Variants in AGFG1 observed in about 807,000 individuals in gnomAD.
The protein encoded by AGFG1 is arf-GAP domain and FG repeat-containing protein 1.
In AGFG1, 10 loss-of-function variants were observed where a neutral mutation model predicts 60.6. The ratio of observed to expected loss-of-function variants is 0.16; its 90% CI spans 0.10 to 0.28. The LOEUF is 0.28. Ranked by LOEUF, AGFG1 falls within the 10% of genes least tolerant of loss-of-function variation. The pLI is 1.00. For missense variants in AGFG1, 537 were observed against 676.5 expected, an observed-to-expected ratio of 0.79 and a Z score of 2.29; for synonymous variants, 247 against 242.9, an observed-to-expected ratio of 1.02 and a Z score of -0.16.
intron 2 of AGFG1, among the ~76,000 whole-genome samples, chr2:227,499,307 G>A (rs1190780315): frequency 6.6e-6 from 1 of 151,896 alleles, no homozygotes; most frequent in Non-Finnish European, 1.5e-5. Flanking sequence ...CACATCGAGT[G>A]GTTAAAATGG....
In AGFG1 at chr2:227,497,730, G is replaced by GTTTTTTTTTTTTT. The variant is rs148621752; in HGVS notation, c.261+6094_261+6095insTTTTTTTTTTTTT. On this transcript the variant is annotated intron_variant, in intron 2 of 12. Coordinates refer to ENST00000310078, the MANE Select transcript of AGFG1 (RefSeq NM_004504.5). ...ATATAGCCAAATGAGTTTCTTTCTTGTTTTGTTTTTTTTTTTTTTTTTTTT... is the reference window on the plus strand; with the variant it reads ...ATATAGCCAAATGAGTTTCTTTCTTGTTTTTTTTTTTTTTTTTGTTTTTTTTTTTTTTTTTTTT... Among the ~76,000 whole-genome samples, 26 of 38,926 alleles carry GTTTTTTTTTTTTT rather than the reference G, an allele frequency of 6.7e-4. 5 individuals carry two copies. The highest frequency in any genetic ancestry group is 1.7e-3 in the African/African-American group (23 of 13,232). The allele number at this position is 38,926 out of a possible 152,430, so 25.5% of individuals were successfully genotyped here. A position where few individuals can be genotyped will look rare whatever the true frequency, so the allele number is the denominator to read the frequency against.
intron 6 of AGFG1, among the ~76,000 whole-genome samples, chr2:227,532,363 A>G (rs1692189354): frequency 6.6e-6 from 1 of 152,182 alleles, no homozygotes; most frequent in African/African-American, 2.4e-5. Flanking sequence ...AGAGTTAGAG[A>G]ACACAATAGT....
intron 2 of AGFG1, among the ~76,000 whole-genome samples, chr2:227,496,341 C>T (rs1202315613): frequency 6.6e-6 from 1 of 151,438 alleles, no homozygotes; most frequent in Non-Finnish European, 1.5e-5. Context: ...AATAAATTAC[C>T]TACTGTGGGA....
rs1162277041 is a variant in AGFG1, at chr2:227,507,602, CAAAAAAA to C, written c.262-12328_262-12322del. On this transcript the variant is annotated intron_variant, in intron 2 of 12. Coordinates refer to ENST00000310078, the MANE Select transcript of AGFG1 (RefSeq NM_004504.5). ...TGGACGACAGAGCGAGACTCTGTCT[CAAAAAAA>C]AAAAAAAAAAAAAAAAAGCGCCTTT... Among the ~76,000 whole-genome samples, 22 of 61,582 alleles carry C rather than the reference CAAAAAAA, an allele frequency of 3.6e-4. No homozygotes were observed. The East Asian group carries it at 3.7e-3, about 10-fold the overall frequency. The allele number at this position is 61,582 out of a possible 152,430, so 40.4% of individuals were successfully genotyped here. A position where few individuals can be genotyped will look rare whatever the true frequency, so the allele number is the denominator to read the frequency against.
chr2:227,489,923 T>G (rs563647380), intron 1 of AGFG1, among the ~76,000 whole-genome samples: 98 of 152,152 alleles, frequency 6.4e-4, no homozygotes, highest in Non-Finnish European at 1.1e-3. Flanking sequence ...TCAAGCAATT[T>G]TCATGCCTCA....
intron 5 of AGFG1, among the ~76,000 whole-genome samples, chr2:227,529,119 A>G (rs1358951870): frequency 6.6e-6 from 1 of 152,204 alleles, no homozygotes; most frequent in African/African-American, 2.4e-5. Flanking sequence ...TGTTACAAGA[A>G]GAAACTACTG....
At chr2:227,536,538 T>C in intron 8 of AGFG1, 87 bp from the exon 9 acceptor site, 1 of 1,042,672 alleles carries the variant, frequency 9.6e-7, no homozygotes, top group Non-Finnish European at 1.5e-6. Flanking sequence ...ATACACGATA[T>C]GTTCATTATT....
intron 4 of AGFG1, 24 bp downstream of exon 4, chr2:227,523,949 A>G (rs1455499335): frequency 1.3e-6 from 2 of 1,593,154 alleles, no homozygotes; most frequent in African/African-American, 1.3e-5. Flanking sequence ...GAATCTTTGT[A>G]GGGAATTCGA....
chr2:227,524,634 G>A (rs920735919), intron 4 of AGFG1, 128 bp from the exon 5 acceptor site: 2 of 943,610 alleles, frequency 2.1e-6, no homozygotes, highest in African/African-American at 3.3e-5. Flanking sequence ...AGTGAAAAAT[G>A]AGAAAGGTTA....
At chr2:227,499,769 G>C (rs74603278) in intron 2 of AGFG1, among the ~76,000 whole-genome samples, 7,430 of 152,310 alleles carry the variant, frequency 0.049, 253 homozygotes, top group African/African-American at 0.1. Context: ...GTTTGTGTTA[G>C]GGGCCTCAGG....
chr2:227,475,258 GTA>G (rs1690246640), intron 1 of AGFG1, among the ~76,000 whole-genome samples: 1 of 152,166 alleles, frequency 6.6e-6, no homozygotes, highest in South Asian at 2.1e-4. Flanking sequence ...CAGCTCCTGG[GTA>G]TACTGCCTTA....
intron 2 of AGFG1, among the ~76,000 whole-genome samples, chr2:227,492,158 T>C (rs1690838628): frequency 6.6e-6 from 1 of 152,114 alleles, no homozygotes; most frequent in South Asian, 2.1e-4. Flanking sequence ...GTATAAAGAT[T>C]TGGATGGAAG....
chr2:227,496,167 G>T (rs1160019170), intron 2 of AGFG1, among the ~76,000 whole-genome samples: 2 of 151,236 alleles, frequency 1.3e-5, no homozygotes, highest in Non-Finnish European at 2.9e-5. Context: ...CACAGGCATG[G>T]TCTATGTGTA....
intron 1 of AGFG1, among the ~76,000 whole-genome samples, chr2:227,486,170 C>CT (rs1289158697): frequency 2.0e-5 from 3 of 152,190 alleles, no homozygotes; most frequent in Admixed American, 6.5e-5. Context: ...ATTGTTGGCA[C>CT]TTGCTTTCTG....
At chr2:227,536,852 A>T in intron 9 of AGFG1, 49 bp from the exon 10 acceptor site, 1 of 1,557,030 alleles carries the variant, frequency 6.4e-7, no homozygotes. Context: ...TTAAATCTTA[A>T]ATACAAAATG....
intron 9 of AGFG1, 25 bp downstream of exon 9, chr2:227,536,729 G>T (rs369950891): frequency 6.2e-7 from 1 of 1,609,994 alleles, no homozygotes; most frequent in African/African-American, 1.3e-5. Context: ...TATATACACT[G>T]GTTTTTACAA....
chr2:227,533,490 T>A, intron 6 of AGFG1, 59 bp from the exon 7 acceptor site: 2 of 1,395,120 alleles, frequency 1.4e-6, no homozygotes, highest in South Asian at 1.2e-5. Flanking sequence ...TCATACAGTC[T>A]ATGAGAGGGT....
chr2:227,473,624 G>A (rs894785209), intron 1 of AGFG1, among the ~76,000 whole-genome samples: 3 of 152,168 alleles, frequency 2.0e-5, no homozygotes, highest in African/African-American at 7.2e-5. Context: ...TTTTGGAATT[G>A]ATAAAATGCT....
chr2:227,536,753 A>T (rs565758565), intron 9 of AGFG1, 49 bp downstream of exon 9: 6 of 1,593,374 alleles, frequency 3.8e-6, no homozygotes, highest in Non-Finnish European at 5.2e-6. Context: ...ACCCAAATAT[A>T]TATTGTGTAG....
Sources: gnomAD v4.1 joint callset for allele counts (sites outside exome capture counted in the v4.1 genomes callset) on GRCh38, gnomAD v4.1.1 for gene constraint, MANE v1.5 for transcripts, NCBI Gene and HGNC (gene_info 2026-07-23, HGNC 2026-07-21) for gene names.